Variants in TSNARE1 observed in about 807,000 individuals in gnomAD.
TSNARE1 encodes the protein t-SNARE domain-containing protein 1.
A neutral mutation model predicts 62.0 loss-of-function variants in TSNARE1; 49 were observed. The ratio of observed to expected loss-of-function variants is 0.79; its 90% CI spans 0.63 to 1.00. TSNARE1 has a LOEUF of 1.00. Among genes scored for constraint, TSNARE1 ranks in the 50% least tolerant of loss-of-function variants. The probability of loss-of-function intolerance (pLI) is 0.00; values close to 1 mark genes in which losing one functional copy is unlikely to be tolerated. For synonymous variants in TSNARE1, 328 were observed against 294.4 expected (o/e 1.11, Z -1.17); for missense variants, 755 against 700.1 (o/e 1.08, Z -0.88).
intron 13 of TSNARE1, 53 bp downstream of exon 13, chr8:142,229,420 G>T: frequency 7.2e-7 from 1 of 1,381,842 alleles, no homozygotes; most frequent in Non-Finnish European, 1.0e-6. Flanking sequence ...GTGAATGAAT[G>T]GATGGTGGAT....
chr8:142,311,294 T>G (rs1827566554), intron 9 of TSNARE1, among the ~76,000 whole-genome samples: 1 of 133,942 alleles, frequency 7.5e-6, no homozygotes, highest in Non-Finnish European at 1.6e-5. Context: ...TCTCTAGTTT[T>G]TTTTTTTTTT....
At chr8:142,365,464 T>C (rs1006329576) in intron 1 of TSNARE1, among the ~76,000 whole-genome samples, 1 of 152,232 alleles carries the variant, frequency 6.6e-6, no homozygotes. Flanking sequence ...GGAGAAGCTA[T>C]TGTATCCATG....
At chr8:142,332,062 G>A (rs1197917063) in intron 4 of TSNARE1, among the ~76,000 whole-genome samples, 1 of 152,220 alleles carries the variant, frequency 6.6e-6, no homozygotes, top group Non-Finnish European at 1.5e-5. Flanking sequence ...GAAGGCAGGG[G>A]GTGGTCCCTC....
At chr8:142,258,086 A>G (rs1015390099) in intron 12 of TSNARE1, among the ~76,000 whole-genome samples, 1 of 152,086 alleles carries the variant, frequency 6.6e-6, no homozygotes, top group Non-Finnish European at 1.5e-5. Flanking sequence ...TCATGCACAC[A>G]CGTACACACC....
intron 9 of TSNARE1, among the ~76,000 whole-genome samples, chr8:142,306,054 C>T (rs1044252306): frequency 6.6e-6 from 1 of 152,214 alleles, no homozygotes; most frequent in Non-Finnish European, 1.5e-5. Context: ...GCAAGAGGCG[C>T]TCACACAGGG....
At chr8:142,276,009 C>T (rs1165273904) in intron 11 of TSNARE1, 3 of 985,306 alleles carry the variant, frequency 3.0e-6, no homozygotes, top group African/African-American at 3.5e-5. Context: ...CTTCAGAAGC[C>T]CCCACCCAGG....
intron 12 of TSNARE1, among the ~76,000 whole-genome samples, chr8:142,253,155 G>A (rs572689775): frequency 2.6e-5 from 4 of 152,340 alleles, no homozygotes; most frequent in South Asian, 2.1e-4. Context: ...GTGAGAGTGC[G>A]GAGGTGGACA....
chr8:142,359,180 C>A (rs191299590), intron 1 of TSNARE1, among the ~76,000 whole-genome samples: 3 of 152,132 alleles, frequency 2.0e-5, no homozygotes, highest in Non-Finnish European at 4.4e-5. Context: ...GCTGTCCCAC[C>A]GGGCCAGCCA....
intron 12 of TSNARE1, chr8:142,247,910 G>C (rs1317651367): frequency 6.6e-6 from 1 of 152,330 alleles, no homozygotes; most frequent in Non-Finnish European, 1.5e-5. Context: ...AAAGGCCAGT[G>C]CTGGAACGAG....
intron 7 of TSNARE1, among the ~76,000 whole-genome samples, chr8:142,317,200 G>A (rs1054363020): frequency 7.4e-5 from 11 of 149,304 alleles, no homozygotes; most frequent in African/African-American, 2.5e-4. Flanking sequence ...TATGGCCAGC[G>A]GCTCACACTG....
At chr8:142,390,010 T>C (rs763001579) in intron 1 of TSNARE1, among the ~76,000 whole-genome samples, 7 of 152,226 alleles carry the variant, frequency 4.6e-5, no homozygotes, top group Non-Finnish European at 8.8e-5. Flanking sequence ...ATGTACTAAA[T>C]GCTGTAGGCA....
intron 12 of TSNARE1, chr8:142,273,695 C>T (rs1166332813): frequency 1.9e-5 from 19 of 985,300 alleles, no homozygotes; most frequent in Non-Finnish European, 2.2e-5. Context: ...ACCACACACT[C>T]CCACAGTGGG....
intron 13 of TSNARE1, among the ~76,000 whole-genome samples, chr8:142,217,371 G>GAA (rs869202105): frequency 7.1e-6 from 1 of 140,262 alleles, no homozygotes; most frequent in Non-Finnish European, 1.5e-5. Flanking sequence ...AAGAAAGAAA[G>GAA]AAAAAAGGGA....
At chr8:142,257,926 G>A (rs1373588554) in intron 12 of TSNARE1, among the ~76,000 whole-genome samples, 2 of 152,200 alleles carry the variant, frequency 1.3e-5, no homozygotes, top group Admixed American at 6.5e-5. Context: ...GCTTGAGCAC[G>A]CATACGCACA....
chr8:142,268,916 G>A (rs570624524), intron 12 of TSNARE1, among the ~76,000 whole-genome samples: 3 of 152,326 alleles, frequency 2.0e-5, no homozygotes, highest in Admixed American at 6.5e-5. Context: ...GGGCCATGAC[G>A]CCTATCTACT....
At chr8:142,336,226 A>G (rs1284572426) in intron 4 of TSNARE1, among the ~76,000 whole-genome samples, 1 of 143,898 alleles carries the variant, frequency 6.9e-6, no homozygotes, top group Admixed American at 7.2e-5. Context: ...GGCTGCAGTG[A>G]GCCTTGATCA....
chr8:142,317,084 T>C (rs1255860385), intron 7 of TSNARE1, among the ~76,000 whole-genome samples: 3 of 151,602 alleles, frequency 2.0e-5, no homozygotes, highest in Admixed American at 6.6e-5. Context: ...GAAGCGGGTA[T>C]GGCCAGCGGC....
intron 13 of TSNARE1, among the ~76,000 whole-genome samples, chr8:142,226,748 C>T (rs1206728306): frequency 6.6e-6 from 1 of 152,150 alleles, no homozygotes; most frequent in Admixed American, 6.5e-5. Flanking sequence ...GGCAAGACCA[C>T]AGCAGTTCCC....
chr8:142,215,528 T>A (rs1815792220), intron 13 of TSNARE1, among the ~76,000 whole-genome samples: 1 of 151,398 alleles, frequency 6.6e-6, no homozygotes, highest in Non-Finnish European at 1.5e-5. Flanking sequence ...CCCCTCAGCC[T>A]CCCCACACAC....
Sources: allele counts gnomAD v4.1 joint callset (sites outside exome capture counted in the v4.1 genomes callset), GRCh38; gene constraint gnomAD v4.1.1; transcripts MANE v1.5; gene names NCBI Gene and HGNC (gene_info 2026-07-23, HGNC 2026-07-21).